The following TBC1D23 variants were observed in gnomAD, a reference collection of about 807,000 sequenced individuals.
The protein encoded by TBC1D23 is TBC1 domain family member 23, also known as HCV non-structural protein 4A-transactivated protein 1.
TBC1D23 carries 55 observed loss-of-function variants against 91.4 expected under a neutral mutation model. The ratio of observed to expected loss-of-function variants is 0.60; its 90% CI spans 0.48 to 0.75. The LOEUF is 0.75. TBC1D23 is among the 30% of genes least tolerant of loss of function. The pLI, the probability that TBC1D23 is intolerant of heterozygous loss-of-function variation, is 0.00. For missense variants in TBC1D23, 725 were observed against 836.1 expected (o/e 0.87, Z 1.64); for synonymous variants, 289 against 281.0 (o/e 1.03, Z -0.28).
chr3:100,296,088 A>G (rs1428954128), intron 7 of TBC1D23, 84 bp from the exon 8 acceptor site: 11 of 709,484 alleles, frequency 1.6e-5, no homozygotes, highest in African/African-American at 3.6e-5. Flanking sequence ...CATAGTATTT[A>G]TGATGAAGAT....
intron 1 of TBC1D23, among the ~76,000 whole-genome samples, chr3:100,264,125 G>A (rs552161316): frequency 2.0e-5 from 3 of 152,262 alleles, no homozygotes; most frequent in South Asian, 2.1e-4. Flanking sequence ...TGTTCTTAGA[G>A]TGCTTGGTGA....
intron 11 of TBC1D23, 62 bp from the exon 12 acceptor site, chr3:100,304,784 C>A: frequency 1.2e-6 from 1 of 817,138 alleles, no homozygotes; most frequent in Non-Finnish European, 2.2e-6. Context: ...TGTTTTAGAA[C>A]TAGCTAAAGT....
In TBC1D23 at chr3:100,320,874, G is replaced by A; in HGVS notation, c.1921G>A (p.Val641Ile). 1 of 1,612,884 alleles carries A rather than the reference G, an allele frequency of 6.2e-7. No individual in the cohort carries two copies. The highest frequency in any genetic ancestry group is 8.5e-7 in the Non-Finnish European group (1 of 1,179,284). The change falls in exon 18 of 19, where the codon GTA becomes ATA. Residue 641 changes from valine to isoleucine, a missense_variant. Transcript: ENST00000394144. ...YIQSRQALNS[V>I]VKITSKKKHP... Reference sequence around the variant, plus strand: ...ACAGTCTCGACAAGCGCTGAATTCTGTAGTTAAAATTACATCCAAAAAAAA... The same window carrying A: ...ACAGTCTCGACAAGCGCTGAATTCTATAGTTAAAATTACATCCAAAAAAAA...
chr3:100,276,051 G>T (rs1395109442), intron 1 of TBC1D23, among the ~76,000 whole-genome samples: 1 of 151,108 alleles, frequency 6.6e-6, no homozygotes, highest in East Asian at 1.9e-4. Flanking sequence ...CTGCTAATGG[G>T]TATGGGGTTT....
intron 5 of TBC1D23, among the ~76,000 whole-genome samples, chr3:100,293,146 T>C (rs1014845913): frequency 7.0e-6 from 1 of 142,582 alleles, no homozygotes; most frequent in African/African-American, 2.5e-5. Flanking sequence ...TATTTATTTA[T>C]TTATTTTGTG....
At chr3:100,263,457 A>G (rs763077306) in intron 1 of TBC1D23, among the ~76,000 whole-genome samples, 1 of 152,218 alleles carries the variant, frequency 6.6e-6, no homozygotes, top group Non-Finnish European at 1.5e-5. Flanking sequence ...CCTGACAGTA[A>G]CAGCATAAGC....
intron 16 of TBC1D23, among the ~76,000 whole-genome samples, chr3:100,317,658 TTTC>T (rs1346056646): frequency 2.0e-5 from 3 of 150,478 alleles, no homozygotes; most frequent in Admixed American, 6.6e-5. Flanking sequence ...CTTGTTTCCT[TTTC>T]TTCTTTTTTC....
Position 100,270,815 on chromosome 3 carries a change from A to G in TBC1D23, c.54-8834A>G, listed in dbSNP as rs867583040. Among the ~76,000 whole-genome samples the G allele has an allele frequency of 7.2e-5, 11 of 152,214 alleles. No homozygotes were observed. In the South Asian group the frequency reaches 2.1e-3, roughly 29 times the overall value. On this transcript the variant is annotated intron_variant, in intron 1 of 18. Coordinates refer to ENST00000394144, the MANE Select transcript of TBC1D23 (RefSeq NM_001199198.3). Reference sequence around the variant, plus strand: ...AGCTTTTGTATTTTTATTTTAAGAAAACAATAATAAATCTTAGACTTTGGC... The same window carrying G: ...AGCTTTTGTATTTTTATTTTAAGAAGACAATAATAAATCTTAGACTTTGGC...
At chr3:100,318,645 T>G (rs1196801589) in intron 16 of TBC1D23, among the ~76,000 whole-genome samples, 1 of 151,226 alleles carries the variant, frequency 6.6e-6, no homozygotes, top group Non-Finnish European at 1.5e-5. Flanking sequence ...ATTGCGTTAT[T>G]CTTTTTTTTT....
At chr3:100,279,249 C>G (rs2067675520) in intron 1 of TBC1D23, among the ~76,000 whole-genome samples, 1 of 152,172 alleles carries the variant, frequency 6.6e-6, no homozygotes, top group Non-Finnish European at 1.5e-5. Context: ...AGTGATGTAA[C>G]CTACCTCATA....
At chr3:100,261,977 A>G (rs1052164603) in intron 1 of TBC1D23, among the ~76,000 whole-genome samples, 5 of 152,228 alleles carry the variant, frequency 3.3e-5, no homozygotes, top group Non-Finnish European at 5.9e-5. Context: ...TGTACAGCTC[A>G]TGGGCACTTT....
In TBC1D23 at chr3:100,302,221, T is replaced by C. The variant is rs927484273; in HGVS notation, c.1247T>C (p.Leu416Pro). 3.7e-6 allele frequency: 6 copies of C among 1,612,226 alleles called. No homozygotes were observed. The highest frequency in any genetic ancestry group is 5.1e-6 in the Non-Finnish European group (6 of 1,179,420). Reference sequence around the variant, plus strand: ...GAAGACATGTATATGAACATGGTCCTGGCACACTTTTTACAGGTATGCTGA... The same window carrying C: ...GAAGACATGTATATGAACATGGTCCCGGCACACTTTTTACAGGTATGCTGA... ...EEEDMYMNMV[L>P]AHFLQKNKEY... Residue 416 changes from leucine (L) to proline (P), a missense_variant, in exon 11 of 19, where the codon CTG becomes CCG. Transcript: ENST00000394144.
intron 17 of TBC1D23, among the ~76,000 whole-genome samples, chr3:100,319,460 C>T (rs1018801609): frequency 1.3e-4 from 19 of 151,504 alleles, no homozygotes; most frequent in African/African-American, 4.6e-4. Context: ...CGGAGTTTTG[C>T]TCTTGTTGCC....
intron 5 of TBC1D23, among the ~76,000 whole-genome samples, chr3:100,291,792 T>TTTGC: frequency 7.2e-6 from 1 of 139,386 alleles, no homozygotes; most frequent in Admixed American, 7.5e-5. Flanking sequence ...CTGCTTTTTT[T>TTTGC]TTTCTTTTTT....
chr3:100,267,181 A>G, intron 1 of TBC1D23: 1 of 438,026 alleles, frequency 2.3e-6, no homozygotes, highest in South Asian at 1.6e-5. Context: ...AAATAATAGG[A>G]TTAAACAGTT....
intron 1 of TBC1D23, among the ~76,000 whole-genome samples, chr3:100,278,005 C>T (rs781497210): frequency 2.0e-5 from 3 of 152,168 alleles, no homozygotes; most frequent in Non-Finnish European, 2.9e-5. Flanking sequence ...CTTTCAAATT[C>T]GATGAGTACT....
At chr3:100,294,854 T>C (rs1576172462) in intron 5 of TBC1D23, among the ~76,000 whole-genome samples, 1 of 152,288 alleles carries the variant, frequency 6.6e-6, no homozygotes, top group East Asian at 1.9e-4. Flanking sequence ...GAAGTAAAAA[T>C]GGAAGCTTTA....
intron 17 of TBC1D23, among the ~76,000 whole-genome samples, chr3:100,320,299 T>A (rs1266301865): frequency 6.6e-6 from 1 of 152,168 alleles, no homozygotes; most frequent in Non-Finnish European, 1.5e-5. Flanking sequence ...TGGGTGAGTG[T>A]TAATAATACT....
chr3:100,316,195 A>T lies in TBC1D23; in HGVS notation c.1687+8A>T. 1.9e-6 allele frequency: 3 copies of T among 1,602,392 alleles called. No individual in the cohort carries two copies. The highest frequency in any genetic ancestry group is 2.6e-6 in the Non-Finnish European group (3 of 1,169,170). Reference sequence around the variant, plus strand: ...AAGAAGAATACGACACAGGTGTAGTAATACACTTAGCTACAGACAGCTTTG... The same window carrying T: ...AAGAAGAATACGACACAGGTGTAGTTATACACTTAGCTACAGACAGCTTTG... On this transcript the variant is annotated splice_region_variant and intron_variant, in intron 16 of 18. Transcript: ENST00000394144.
Sources: allele counts gnomAD v4.1 joint callset (sites outside exome capture counted in the v4.1 genomes callset), GRCh38; gene constraint gnomAD v4.1.1; transcripts MANE v1.5; gene names NCBI Gene and HGNC (gene_info 2026-07-23, HGNC 2026-07-21).